F10: variants seen among roughly 807,000 people sequenced by gnomAD.
F10 encodes the protein Stuart-Prower factor.
Under a neutral mutation model 37.1 loss-of-function variants are expected in F10, and 29 were observed. That is an observed-to-expected ratio of 0.78 (90% confidence interval 0.58 to 1.07). F10 has a LOEUF of 1.07. Ranked by LOEUF, F10 falls within the 50% of genes least tolerant of loss-of-function variation. The probability of loss-of-function intolerance (pLI) is 0.00; values close to 1 mark genes in which losing one functional copy is unlikely to be tolerated. For missense variants in F10, 539 were observed against 667.9 expected (o/e 0.81, Z 2.13); for synonymous variants, 262 against 268.6 (o/e 0.98, Z 0.24).
rs2036581359 is a variant in F10, at chr13:113,146,211, T to C, written c.748-1168T>C. On this transcript the variant is annotated intron_variant, in intron 6 of 7. Transcript: ENST00000375559. The surrounding 1 kb of genome is among the most constrained non-coding windows in gnomAD (Gnocchi z 4.5). ...TGAGCCGGGTGCTGTGTAGGTGGGA[T>C]ATGAAACCATGAAGCCTCTCTGTGA... Among the ~76,000 whole-genome samples, 1 of 152,152 alleles carries C rather than the reference T, an allele frequency of 6.6e-6. No individual in the cohort carries two copies. Among genetic ancestry groups the C allele is most frequent in the South Asian group, 2.1e-4 (1 of 4,820 alleles).
chr13:113,126,923 G>A (rs564945749), intron 1 of F10, among the ~76,000 whole-genome samples: 2 of 152,348 alleles, frequency 1.3e-5, no homozygotes, highest in South Asian at 4.1e-4. Context: ...CAGGTTGCAG[G>A]GAGCCACGTG....
intron 6 of F10, among the ~76,000 whole-genome samples, chr13:113,145,317 T>C (rs1294560513): frequency 6.6e-6 from 1 of 152,256 alleles, no homozygotes; most frequent in African/African-American, 2.4e-5. Flanking sequence ...TGAGCCACTA[T>C]ACCAGGTCCT....
chr13:113,129,256 A>G (rs570968507), intron 1 of F10, among the ~76,000 whole-genome samples, 196 bp from the exon 2 acceptor site: 42 of 152,068 alleles, frequency 2.8e-4, no homozygotes, highest in Non-Finnish European at 4.3e-4. Flanking sequence ...TCAGGTTCCT[A>G]TGGAATTCCC....
intron 1 of F10, among the ~76,000 whole-genome samples, chr13:113,123,793 C>CG (rs2036344005): frequency 6.6e-6 from 1 of 152,140 alleles, no homozygotes. Context: ...TCACATCACA[C>CG]GGGGGTCTTC....
intron 2 of F10, among the ~76,000 whole-genome samples, chr13:113,133,733 A>G (rs909073830): frequency 1.1e-4 from 16 of 152,174 alleles, no homozygotes; most frequent in African/African-American, 3.1e-4. Flanking sequence ...AAACCACCCT[A>G]CGTAACAATA....
At chr13:113,132,073 G>A (rs1384251040) in intron 2 of F10, 5 of 152,272 alleles carry the variant, frequency 3.3e-5, no homozygotes, top group Non-Finnish European at 7.3e-5. Context: ...AATTGTCTAA[G>A]TTGTGTGACT....
chr13:113,140,837 G>A, intron 4 of F10, 82 bp from the exon 5 acceptor site: 1 of 1,606,168 alleles, frequency 6.2e-7, no homozygotes, highest in Non-Finnish European at 8.5e-7. Flanking sequence ...TGACAGGCAA[G>A]TGGATGTAGC....
At chr13:113,129,959 C>CA in intron 2 of F10, 1 of 352,612 alleles carries the variant, frequency 2.8e-6, no homozygotes, top group East Asian at 7.4e-5. Flanking sequence ...CGCCGAGTTG[C>CA]AGTGAGCTGA....
intron 1 of F10, among the ~76,000 whole-genome samples, chr13:113,124,533 TCA>T (rs1257115051): frequency 6.6e-6 from 1 of 152,218 alleles, no homozygotes. Context: ...CTACTCTGCC[TCA>T]GAGGCCTCGG....
intron 1 of F10, among the ~76,000 whole-genome samples, chr13:113,127,999 G>A (rs2036386515): frequency 6.6e-6 from 1 of 152,124 alleles, no homozygotes; most frequent in African/African-American, 2.4e-5. Context: ...TGGGTGGGAT[G>A]TGTCTACTTC....
intron 4 of F10, among the ~76,000 whole-genome samples, chr13:113,140,303 G>A (rs946703278): frequency 1.3e-5 from 2 of 151,552 alleles, no homozygotes; most frequent in Admixed American, 6.6e-5. Context: ...GGATGGTCTC[G>A]ATCTCCTGAC....
chr13:113,144,665 G>C lies in F10; in HGVS notation c.747+570G>C, dbSNP rs528750028. On this transcript the variant is annotated intron_variant, in intron 6 of 7. Coordinates refer to ENST00000375559, the MANE Select transcript of F10 (RefSeq NM_000504.4). This position sits in a 1 kb window ranked among gnomAD's most constrained non-coding sequence, Gnocchi z 6.4. ...TCCTATGGAGGTAGATAGTACCTTAGAGAAAAACACATCTACTTATTTTCA... is the reference window on the plus strand; with the variant it reads ...TCCTATGGAGGTAGATAGTACCTTACAGAAAAACACATCTACTTATTTTCA... Among the ~76,000 whole-genome samples, 3 of 152,338 alleles carry C rather than the reference G, an allele frequency of 2.0e-5. No homozygotes were observed. The highest frequency in any genetic ancestry group is 4.1e-4 in the South Asian group (2 of 4,832).
rs1006249900 is a variant in F10 at position 113,148,625 on chromosome 13, C to T, written c.866-291C>T. ...ATGCCAAAAGCCTTCGGTCCTGGGA[C>T]GCCTCGTTGGTGCCCACGACTGGCA... On this transcript the variant is annotated intron_variant, in intron 7 of 7. Transcript: ENST00000375559. Among the ~76,000 whole-genome samples the T allele has an allele frequency of 4.6e-5, 7 of 152,038 alleles. No homozygotes were observed. In the South Asian group the frequency reaches 6.2e-4, roughly 14 times the overall value.
In F10 at chr13:113,148,980, G is replaced by A; in HGVS notation, c.930G>A (p.Lys310=). 3.1e-6 allele frequency: 5 copies of A among 1,613,546 alleles called. No homozygotes were observed. The highest frequency in any genetic ancestry group is 4.2e-6 in the Non-Finnish European group (5 of 1,180,020). ...TGCACGAGGTGGAGGTGGTCATCAA[G>A]CACAACCGGTTCACAAAGGAGACCT... ...EAVHEVEVVI[K]HNRFTKETYD... Residue 310 remains lysine (K), a synonymous_variant, in exon 8 of 8, where the codon AAG becomes AAA. Coordinates refer to ENST00000375559, the MANE Select transcript of F10 (RefSeq NM_000504.4).
intron 1 of F10, chr13:113,128,083 A>G (rs2036387762): frequency 6.6e-6 from 1 of 152,182 alleles, no homozygotes; most frequent in African/African-American, 2.4e-5. Flanking sequence ...GGAGGGGGGA[A>G]ATGGGCATTT....
At position 113,144,516 on chromosome 13, in the gene F10, C is replaced by T. The variant is rs529034487; in HGVS notation, c.747+421C>T. The stretch of plus-strand genomic sequence containing the variant: ...GCCACCCACACTGCAGGGGCATCAG[C>T]GGGCAGGAGGACGGTGCCGGGTGGG... On this transcript the variant is annotated intron_variant, in intron 6 of 7. Transcript: ENST00000375559. The surrounding 1 kb of genome is among the most constrained non-coding windows in gnomAD (Gnocchi z 6.4). Among the ~76,000 whole-genome samples, 36 of 152,366 alleles carry T rather than the reference C, an allele frequency of 2.4e-4. 1 individual carries two copies. In the Middle Eastern group the frequency reaches 0.01, roughly 43 times the overall value.
chr13:113,136,400 T>C (rs1191272986), intron 2 of F10, among the ~76,000 whole-genome samples: 2 of 152,104 alleles, frequency 1.3e-5, no homozygotes, highest in African/African-American at 4.8e-5. Context: ...AAATGAAAAC[T>C]TATTTCCACA....
At position 113,122,852 on chromosome 13, in the gene F10, C is replaced by T. The variant is rs746056006; in HGVS notation, c.-4C>T. ...AGGACAGGGACACAGTACTCGGCCA[C>T]ACCATGGGGCGCCCACTGCACCTCG... On this transcript the variant is annotated 5_prime_UTR_variant, in exon 1 of 8. Coordinates refer to ENST00000375559, the MANE Select transcript of F10 (RefSeq NM_000504.4). 3.7e-6 allele frequency: 6 copies of T among 1,609,894 alleles called. No individual in the cohort carries two copies. The African/African-American group carries it at 8.0e-5, about 21-fold the overall frequency.
intron 3 of F10, 74 bp downstream of exon 3, chr13:113,138,555 G>T: frequency 1.0e-6 from 1 of 967,684 alleles, no homozygotes; most frequent in Non-Finnish European, 1.6e-6. Flanking sequence ...AATAGTTCCT[G>T]AATTTCCTTT....
Sources: allele counts gnomAD v4.1 joint callset (sites outside exome capture counted in the v4.1 genomes callset), GRCh38; gene constraint gnomAD v4.1.1; non-coding constraint Gnocchi (gnomAD v3.1); transcripts MANE v1.5; gene names NCBI Gene and HGNC (gene_info 2026-07-23, HGNC 2026-07-21).